DMD: variants seen among roughly 807,000 people sequenced by gnomAD.
DMD encodes the protein dystrophin.
Under a neutral mutation model 330.1 loss-of-function variants are expected in DMD, and 63 were observed. The observed-to-expected ratio is 0.19, with a 90% CI of 0.16 to 0.24. The LOEUF is 0.24. Ranked by LOEUF, DMD falls within the 10% of genes least tolerant of loss-of-function variation. The pLI is 1.00. For missense variants in DMD, 3,344 were observed against 2,684.1 expected, an observed-to-expected ratio of 1.25 and a Z score of -5.43; for synonymous variants, 1,223 against 959.8, an observed-to-expected ratio of 1.27 and a Z score of -5.07.
Position 31,180,414 on chromosome X carries a change from T to C in DMD, c.10042A>G (p.Lys3348Glu). Residue 3348 changes from lysine (K) to glutamate (E), a missense_variant, in exon 69 of 79, where the codon AAA (lysine) becomes GAA (glutamate). Transcript: ENST00000357033. ...ATGGGATAGTGCATTTTATGGCCTTTTGCAACTCGACCAGAAAAAAAGCAG... is the reference window on the plus strand; with the variant it reads ...ATGGGATAGTGCATTTTATGGCCTTCTGCAACTCGACCAGAAAAAAAGCAG... ...QSCFFSGRVA[K>E]GHKMHYPMVE... 1 of 1,210,734 alleles carries C rather than the reference T, an allele frequency of 8.3e-7. No homozygotes were observed. Among genetic ancestry groups the C allele is most frequent in the Non-Finnish European group, 1.1e-6 (1 of 894,574 alleles).
intron 1 of DMD, among the ~76,000 whole-genome samples, chrX:33,250,337 C>A (rs1016913327): frequency 9.2e-5 from 10 of 108,717 alleles, no homozygotes; most frequent in Non-Finnish European, 1.9e-4. Flanking sequence ...CAACTTATTT[C>A]CCTCACATGC....
At chrX:33,018,099 T>C (rs1357759853) in intron 2 of DMD, among the ~76,000 whole-genome samples, 1 of 112,134 alleles carries the variant, frequency 8.9e-6, no homozygotes, top group Admixed American at 9.5e-5. Flanking sequence ...CTTTGCAAGT[T>C]CTCAAAATTA....
At chrX:31,550,149 T>C (rs763704654) in intron 55 of DMD, among the ~76,000 whole-genome samples, 5 of 111,646 alleles carry the variant, frequency 4.5e-5, no homozygotes, top group Non-Finnish European at 7.5e-5. Context: ...AGCCAATTGA[T>C]GCTTCACATC....
intron 48 of DMD, among the ~76,000 whole-genome samples, chrX:31,867,197 T>G (rs1238052975): frequency 2.0e-5 from 2 of 99,259 alleles, no homozygotes; most frequent in African/African-American, 7.1e-5. Flanking sequence ...AATAAGAGAT[T>G]GCAAAATTTG....
chrX:31,936,369 A>G (rs927065473), intron 45 of DMD, among the ~76,000 whole-genome samples: 2 of 111,849 alleles, frequency 1.8e-5, no homozygotes, highest in African/African-American at 3.2e-5. Flanking sequence ...TACTTGTCTC[A>G]CTACACTTTT....
intron 1 of DMD, among the ~76,000 whole-genome samples, chrX:33,200,086 C>T (rs1670155787): frequency 9.0e-6 from 1 of 111,457 alleles, no homozygotes; most frequent in Non-Finnish European, 1.9e-5. Flanking sequence ...TTTACCATAA[C>T]AGAATTTATA....
At chrX:33,243,047 TGTC>T (rs1207685594) in intron 1 of DMD, among the ~76,000 whole-genome samples, 1 of 112,096 alleles carries the variant, frequency 8.9e-6, no homozygotes, top group African/African-American at 3.2e-5. Flanking sequence ...CTCTGTGTGT[TGTC>T]TGTTTGTTTA....
At chrX:31,769,467 G>A (rs760505073) in intron 51 of DMD, among the ~76,000 whole-genome samples, 12 of 111,961 alleles carry the variant, frequency 1.1e-4, no homozygotes, top group African/African-American at 3.9e-4. Flanking sequence ...AGGTCTACAC[G>A]TTGTGAAGTT....
At chrX:32,319,192 A>G (rs2097597791) in intron 41 of DMD, among the ~76,000 whole-genome samples, 1 of 111,610 alleles carries the variant, frequency 9.0e-6, no homozygotes, top group African/African-American at 3.2e-5. Context: ...GAGAGAAGAG[A>G]AAGAAAAGGG....
intron 19 of DMD, 78 bp downstream of exon 19, chrX:32,501,677 A>G (rs2044068446): frequency 2.7e-6 from 2 of 728,532 alleles, no homozygotes; most frequent in African/African-American, 2.1e-5. Context: ...CTTGTCTGAT[A>G]TAATTCAGCT....
At chrX:31,826,067 C>T (rs759293193) in intron 49 of DMD, among the ~76,000 whole-genome samples, 1 of 111,932 alleles carries the variant, frequency 8.9e-6, no homozygotes, top group Non-Finnish European at 1.9e-5. Context: ...TTTTTCAGTG[C>T]TTTATTAAAG....
At chrX:31,304,332 C>A (rs1027986381) in intron 62 of DMD, among the ~76,000 whole-genome samples, 2 of 111,193 alleles carry the variant, frequency 1.8e-5, no homozygotes, top group African/African-American at 6.5e-5. Context: ...GAACAGTTCA[C>A]AAACACACTA....
At chrX:33,199,909 G>C (rs2051168130) in intron 1 of DMD, among the ~76,000 whole-genome samples, 1 of 111,478 alleles carries the variant, frequency 9.0e-6, no homozygotes, top group Non-Finnish European at 1.9e-5. Flanking sequence ...TCATTAATTG[G>C]TTCTAGAGAC....
chrX:33,116,201 CA>C (rs1353135826), intron 1 of DMD, among the ~76,000 whole-genome samples: 24 of 106,734 alleles, frequency 2.2e-4, no homozygotes, highest in African/African-American at 8.2e-4. Flanking sequence ...TCAAAAAAAC[CA>C]AAACAACGAC....
intron 7 of DMD, among the ~76,000 whole-genome samples, chrX:32,727,214 C>T (rs1274461410): frequency 9.0e-6 from 1 of 111,413 alleles, no homozygotes; most frequent in African/African-American, 3.2e-5. Flanking sequence ...TATCTCTAAT[C>T]TGCACTAGAG....
intron 72 of DMD, among the ~76,000 whole-genome samples, chrX:31,173,201 A>C (rs1223939392): frequency 1.8e-5 from 2 of 111,285 alleles, no homozygotes; most frequent in Non-Finnish European, 3.8e-5. Context: ...ATATAGTATC[A>C]TTTTTTCATA....
At chrX:31,321,639 G>A (rs2056441363) in intron 62 of DMD, among the ~76,000 whole-genome samples, 1 of 94,935 alleles carries the variant, frequency 1.1e-5, no homozygotes. Flanking sequence ...TATAGGTTAA[G>A]TGACTTGCCT....
chrX:31,971,975 C>T (rs2095402858), intron 44 of DMD, among the ~76,000 whole-genome samples: 1 of 111,187 alleles, frequency 9.0e-6, no homozygotes. Context: ...GTTTTGATTC[C>T]AATATTAAGC....
rs1029235498 is a variant in DMD, at chrX:33,211,499, A to G, written c.-187T>C. The G allele has an allele frequency of 2.7e-6, 3 of 1,094,973 alleles. No homozygotes were observed. The highest frequency in any genetic ancestry group is 3.6e-6 in the Non-Finnish European group (3 of 838,890). The allele number at this position is 1,094,973 out of a possible 1,213,427, so 90.2% of individuals were successfully genotyped here. On this transcript the variant is annotated 5_prime_UTR_variant, in exon 1 of 79. Transcript: ENST00000357033. ...ATTGCCTCCCAGATCTGAGTCCTGT[A>G]GGGGGAAAGTGAGTGATCCCAACAC...
Sources: gnomAD v4.1 joint callset for allele counts (sites outside exome capture counted in the v4.1 genomes callset) on GRCh38, gnomAD v4.1.1 for gene constraint, MANE v1.5 for transcripts, NCBI Gene and HGNC (gene_info 2026-07-23, HGNC 2026-07-21) for gene names.